YEATS4: variants seen among roughly 807,000 people sequenced by gnomAD.
YEATS4 encodes YEATS domain-containing protein 4.
A neutral mutation model predicts 30.1 loss-of-function variants in YEATS4; 17 were observed. The ratio of observed to expected loss-of-function variants is 0.56; its 90% CI spans 0.39 to 0.85. YEATS4 has a LOEUF of 0.85. Ranked by LOEUF, YEATS4 falls within the 40% of genes least tolerant of loss-of-function variation. The pLI is 0.00. For missense variants in YEATS4, 142 were observed against 268.3 expected (o/e 0.53, Z 3.29); for synonymous variants, 85 against 87.5 (o/e 0.97, Z 0.16).
chr12:69,415,475 C>G, the YEATS4 span, among the ~76,000 whole-genome samples: 1 of 152,124 alleles, frequency 6.6e-6, no homozygotes, highest in Non-Finnish European at 1.5e-5. Flanking sequence ...GTGAGAGAAT[C>G]TCTTGAACCC....
intron 6 of YEATS4, among the ~76,000 whole-genome samples, chr12:69,376,360 T>A (rs186156461): frequency 2.6e-5 from 4 of 152,166 alleles, no homozygotes; most frequent in Non-Finnish European, 5.9e-5. Context: ...AGTGAGACTC[T>A]CTCTCAGAAT....
chr12:69,399,394 A>G, the YEATS4 span, among the ~76,000 whole-genome samples: 4 of 152,238 alleles, frequency 2.6e-5, no homozygotes, highest in Admixed American at 6.5e-5. Flanking sequence ...GCCAATAAGC[A>G]TATAAAAAGA....
chr12:69,393,981 A>G (rs1868334049), downstream of YEATS4, among the ~76,000 whole-genome samples: 1 of 152,190 alleles, frequency 6.6e-6, no homozygotes. Flanking sequence ...TAGCATGTTT[A>G]CTTGTATGTT....
At chr12:69,383,478 A>G (rs1009084152) in intron 6 of YEATS4, among the ~76,000 whole-genome samples, 1 of 152,238 alleles carries the variant, frequency 6.6e-6, no homozygotes, top group African/African-American at 2.4e-5. Context: ...CCAAAGACTG[A>G]GAGACCTGGG....
At chr12:69,391,968 A>G (rs11177644), downstream of YEATS4, among the ~76,000 whole-genome samples, 60,357 of 152,042 alleles carry the variant, frequency 0.4, 12,359 homozygotes, top group Non-Finnish European at 0.46. Context: ...TCATGGCTCA[A>G]TCTTACTCTC....
the YEATS4 span, among the ~76,000 whole-genome samples, chr12:69,409,343 G>A: frequency 6.6e-6 from 1 of 152,156 alleles, no homozygotes; most frequent in African/African-American, 2.4e-5. Flanking sequence ...TTGGCCAGGT[G>A]TGGTGGCTTA....
the YEATS4 span, among the ~76,000 whole-genome samples, chr12:69,423,268 T>C: frequency 9.7e-4 from 148 of 152,302 alleles, no homozygotes; most frequent in African/African-American, 3.5e-3. Flanking sequence ...AAGTGGCTGC[T>C]TCATTCTGGG....
At chr12:69,415,756 C>G in the YEATS4 span, among the ~76,000 whole-genome samples, 2 of 152,180 alleles carry the variant, frequency 1.3e-5, no homozygotes. Flanking sequence ...GATCCCCTGG[C>G]CAGTCGGGGA....
chr12:69,380,182 G>T (rs1461339118), intron 6 of YEATS4, among the ~76,000 whole-genome samples: 1 of 152,208 alleles, frequency 6.6e-6, no homozygotes, highest in African/African-American at 2.4e-5. Context: ...GCATTGCAGA[G>T]TTAGGTTTTT....
At chr12:69,412,941 G>C in the YEATS4 span, among the ~76,000 whole-genome samples, 4 of 152,220 alleles carry the variant, frequency 2.6e-5, no homozygotes, top group East Asian at 7.7e-4. Flanking sequence ...AGCGGTGGAA[G>C]GGGGAGGGAA....
At chr12:69,409,185 A>G in the YEATS4 span, among the ~76,000 whole-genome samples, 1 of 152,182 alleles carries the variant, frequency 6.6e-6, no homozygotes, top group East Asian at 1.9e-4. Flanking sequence ...AAGTTATTCA[A>G]CCTCTCTGTG....
chr12:69,415,966 T>C, the YEATS4 span, among the ~76,000 whole-genome samples: 1 of 152,242 alleles, frequency 6.6e-6, no homozygotes, highest in Non-Finnish European at 1.5e-5. Context: ...CAATACATTT[T>C]TGGAAGGTCA....
At chr12:69,423,282 C>T in the YEATS4 span, among the ~76,000 whole-genome samples, 7 of 152,102 alleles carry the variant, frequency 4.6e-5, no homozygotes, top group Admixed American at 2.0e-4. Context: ...TTCTGGGTAC[C>T]GGGCTAAACT....
chr12:69,360,023 G>A lies in YEATS4; in HGVS notation c.51G>A (p.Lys17=), dbSNP rs1392771902. The A allele has an allele frequency of 1.9e-6, 3 of 1,613,462 alleles. No homozygotes were observed. Among genetic ancestry groups the A allele is most frequent in the Non-Finnish European group, 2.5e-6 (3 of 1,179,776 alleles). ...EFGPDSGGRV[K]GVTIVKPIVY... Reference sequence around the variant, plus strand: ...GGCCTGACTCCGGCGGGAGAGTAAAGGTCAGTGCCCGGACCGCCCCTCTTC... The same window carrying A: ...GGCCTGACTCCGGCGGGAGAGTAAAAGTCAGTGCCCGGACCGCCCCTCTTC... The change falls in exon 1 of 7, where the codon AAG becomes AAA. Residue 17 remains lysine, a splice_region_variant and synonymous_variant. Coordinates refer to ENST00000247843, the MANE Select transcript of YEATS4 (RefSeq NM_006530.4).
At chr12:69,426,026 G>A in the YEATS4 span, among the ~76,000 whole-genome samples, 1 of 152,196 alleles carries the variant, frequency 6.6e-6, no homozygotes, top group Non-Finnish European at 1.5e-5. Flanking sequence ...CTTGAGGCGA[G>A]GAGTTCAAAA....
the YEATS4 span, among the ~76,000 whole-genome samples, chr12:69,402,261 A>G: frequency 6.6e-6 from 1 of 152,182 alleles, no homozygotes; most frequent in Non-Finnish European, 1.5e-5. Context: ...GTGTTCCAAG[A>G]TATCACAAAT....
rs10444581 is a variant in YEATS4, at chr12:69,383,018, A to G, written c.515-7129A>G. ...CTCATGCCTATAATCGCAGCACATT[A>G]GAGGGGCTAGCATGGGAGGATTGCC... On this transcript the variant is annotated intron_variant, in intron 6 of 6. Transcript: ENST00000247843. Among the ~76,000 whole-genome samples, 267 of 152,242 alleles carry G rather than the reference A, an allele frequency of 1.8e-3. 1 individual carries two copies. The highest frequency in any genetic ancestry group is 3.1e-3 in the Non-Finnish European group (214 of 67,998).
chr12:69,420,679 A>G, the YEATS4 span, among the ~76,000 whole-genome samples: 1 of 152,150 alleles, frequency 6.6e-6, no homozygotes, highest in African/African-American at 2.4e-5. Context: ...TTCATTTAGG[A>G]GGCAGAAGGA....
At chr12:69,400,310 C>G in the YEATS4 span, among the ~76,000 whole-genome samples, 1 of 152,060 alleles carries the variant, frequency 6.6e-6, no homozygotes, top group Non-Finnish European at 1.5e-5. Flanking sequence ...CCCTAACATT[C>G]ACTTAGCCAC....
Sources: gnomAD v4.1 joint callset for allele counts (sites outside exome capture counted in the v4.1 genomes callset) on GRCh38, gnomAD v4.1.1 for gene constraint, MANE v1.5 for transcripts, NCBI Gene and HGNC (gene_info 2026-07-23, HGNC 2026-07-21) for gene names.